PPP1R12B: variants seen among roughly 807,000 people sequenced by gnomAD.
The protein encoded by PPP1R12B is myosin phosphatase target subunit 2.
A neutral mutation model predicts 126.1 loss-of-function variants in PPP1R12B; 76 were observed. The ratio of observed to expected loss-of-function variants is 0.60; its 90% CI spans 0.50 to 0.73. The LOEUF (loss-of-function observed/expected upper bound fraction) is 0.73. PPP1R12B is among the 30% of genes least tolerant of loss of function. The probability of loss-of-function intolerance (pLI) is 0.00; values close to 1 mark genes in which losing one functional copy is unlikely to be tolerated. For synonymous variants in PPP1R12B, 356 were observed against 434.7 expected (o/e 0.82, Z 2.25); for missense variants, 1,052 against 1,205.1 (o/e 0.87, Z 1.88).
chr1:202,368,207 G>A (rs1046769187), intron 1 of PPP1R12B, among the ~76,000 whole-genome samples: 1 of 152,092 alleles, frequency 6.6e-6, no homozygotes, highest in Non-Finnish European at 1.5e-5. Context: ...CTGACCTCAG[G>A]TGATCTGCCT....
chr1:202,523,923 C>G (rs1215194000), intron 18 of PPP1R12B, among the ~76,000 whole-genome samples: 2 of 152,112 alleles, frequency 1.3e-5, no homozygotes, highest in African/African-American at 4.8e-5. Flanking sequence ...CCATGTTGGT[C>G]AGGCTGGTCT....
rs968324054 is a variant in PPP1R12B, at chr1:202,587,521, C to CAGA, written c.*6964_*6966dup. 6.6e-6 allele frequency: 1 copy of CAGA among 151,986 alleles called. No homozygotes were observed. The highest frequency in any genetic ancestry group is 1.5e-5 in the Non-Finnish European group (1 of 68,010). 9.4% of individuals were successfully genotyped at this position (151,986 alleles called of 1,614,324 possible). ...TCCTGAGACTGTTTATAGCTTAAAA[C>CAGA]AGAAGTGTGTCTTCCCAGCACAAAC... On this transcript the variant is annotated 3_prime_UTR_variant, in exon 24 of 24. Transcript: ENST00000608999.
intron 8 of PPP1R12B, among the ~76,000 whole-genome samples, chr1:202,432,385 C>G (rs982360875): frequency 1.3e-5 from 2 of 151,990 alleles, no homozygotes; most frequent in African/African-American, 4.8e-5. Flanking sequence ...TCTCATGCCT[C>G]AGCCTCTCAG....
chr1:202,387,385 C>G (rs1438592234), intron 1 of PPP1R12B, among the ~76,000 whole-genome samples: 1 of 152,196 alleles, frequency 6.6e-6, no homozygotes, highest in African/African-American at 2.4e-5. Context: ...ATCATCTCTG[C>G]TTAGTCTTAA....
intron 1 of PPP1R12B, among the ~76,000 whole-genome samples, chr1:202,395,332 C>T (rs570383710): frequency 2.1e-4 from 32 of 152,072 alleles, no homozygotes; most frequent in Non-Finnish European, 3.5e-4. Flanking sequence ...CCCATTGTCA[C>T]TTCCTGAGCA....
At chr1:202,576,934 T>A (rs912616115) in intron 23 of PPP1R12B, 3 of 152,146 alleles carry the variant, frequency 2.0e-5, no homozygotes, top group African/African-American at 7.2e-5. Flanking sequence ...GAGTGCAAAC[T>A]TTTCACCACT....
At chr1:202,386,294 A>C (rs1326215635) in intron 1 of PPP1R12B, among the ~76,000 whole-genome samples, 1 of 151,812 alleles carries the variant, frequency 6.6e-6, no homozygotes, top group African/African-American at 2.4e-5. Flanking sequence ...GTAAATTTGA[A>C]TACTTATGAT....
At chr1:202,400,109 C>A (rs1260183772) in intron 1 of PPP1R12B, among the ~76,000 whole-genome samples, 1 of 152,062 alleles carries the variant, frequency 6.6e-6, no homozygotes, top group Non-Finnish European at 1.5e-5. Context: ...TGAGAACATG[C>A]AGAATTTGTT....
At chr1:202,482,077 T>C (rs565141518) in intron 13 of PPP1R12B, among the ~76,000 whole-genome samples, 2 of 150,304 alleles carry the variant, frequency 1.3e-5, no homozygotes, top group African/African-American at 5.0e-5. Flanking sequence ...GATTTTATTC[T>C]TTTTTTTTAA....
intron 14 of PPP1R12B, among the ~76,000 whole-genome samples, chr1:202,492,267 G>A (rs1002726804): frequency 6.6e-5 from 10 of 152,224 alleles, no homozygotes; most frequent in African/African-American, 2.2e-4. Context: ...ATTTGTCTTT[G>A]TAGTTCTAGT....
chr1:202,441,805 T>A, intron 11 of PPP1R12B, among the ~76,000 whole-genome samples: 1 of 152,154 alleles, frequency 6.6e-6, no homozygotes, highest in East Asian at 1.9e-4. Context: ...CATTTCCTTA[T>A]CTGCTTAACT....
chr1:202,351,491 G>A lies in PPP1R12B; in HGVS notation c.291+2349G>A, dbSNP rs558791302. On this transcript the variant is annotated intron_variant, in intron 1 of 23. Transcript: ENST00000608999. ...TGGCCTCAAATGATCTGCCTGCCTCGGCCTCCCAAAGTGCTGGGATTACAG... is the reference window on the plus strand; with the variant it reads ...TGGCCTCAAATGATCTGCCTGCCTCAGCCTCCCAAAGTGCTGGGATTACAG... Among the ~76,000 whole-genome samples the A allele has an allele frequency of 1.5e-4, 23 of 152,186 alleles. No homozygotes were observed. In the South Asian group the frequency reaches 4.2e-3, roughly 28 times the overall value.
intron 13 of PPP1R12B, among the ~76,000 whole-genome samples, chr1:202,474,381 C>T (rs1676359411): frequency 6.6e-6 from 1 of 151,772 alleles, no homozygotes; most frequent in African/African-American, 2.4e-5. Flanking sequence ...CTTCCAGGTT[C>T]AAGTGATTCT....
intron 18 of PPP1R12B, among the ~76,000 whole-genome samples, chr1:202,500,016 A>C (rs954363946): frequency 6.6e-6 from 1 of 152,248 alleles, no homozygotes; most frequent in Admixed American, 6.5e-5. Context: ...TTAATACGCT[A>C]TTGGTGGGAA....
intron 13 of PPP1R12B, among the ~76,000 whole-genome samples, chr1:202,449,781 G>A (rs1356149664): frequency 6.6e-6 from 1 of 151,996 alleles, no homozygotes; most frequent in Non-Finnish European, 1.5e-5. Flanking sequence ...CTGCCTCCCG[G>A]GTTCATGCCA....
intron 1 of PPP1R12B, among the ~76,000 whole-genome samples, chr1:202,355,093 C>T (rs61821700): frequency 0.41 from 62,262 of 151,618 alleles, 14,746 homozygotes; most frequent in East Asian, 0.7. Context: ...TTAGTAGAGA[C>T]GGGGTTTCAC....
At chr1:202,485,033 G>A (rs895234943) in intron 13 of PPP1R12B, among the ~76,000 whole-genome samples, 14 of 152,310 alleles carry the variant, frequency 9.2e-5, no homozygotes, top group East Asian at 7.7e-4. Flanking sequence ...ATGGAACCAC[G>A]GTAGAACTGG....
intron 17 of PPP1R12B, among the ~76,000 whole-genome samples, chr1:202,496,508 A>G (rs1371808154): frequency 6.6e-6 from 1 of 152,260 alleles, no homozygotes; most frequent in African/African-American, 2.4e-5. Flanking sequence ...ATTGACAAAG[A>G]TGAAATTAAG....
intron 1 of PPP1R12B, among the ~76,000 whole-genome samples, chr1:202,399,007 G>A (rs1665417426): frequency 6.6e-6 from 1 of 151,904 alleles, no homozygotes; most frequent in Admixed American, 6.6e-5. Context: ...TGTAAATTGA[G>A]GGAGATGAGC....
Sources: allele counts gnomAD v4.1 joint callset (sites outside exome capture counted in the v4.1 genomes callset), GRCh38; gene constraint gnomAD v4.1.1; transcripts MANE v1.5; gene names NCBI Gene and HGNC (gene_info 2026-07-23, HGNC 2026-07-21).